Variants in SCARB1 observed in about 807,000 individuals in gnomAD.
SCARB1 encodes CD36 and LIMPII analogous 1.
SCARB1 carries 30 observed loss-of-function variants against 57.2 expected under a neutral mutation model. The observed-to-expected ratio is 0.52, with a 90% CI of 0.39 to 0.71. The LOEUF (loss-of-function observed/expected upper bound fraction) is 0.71. Ranked by LOEUF, SCARB1 falls within the 30% of genes least tolerant of loss-of-function variation. The pLI, the probability that SCARB1 is intolerant of heterozygous loss-of-function variation, is 0.00. For missense variants in SCARB1, 543 were observed against 671.2 expected (o/e 0.81, Z 2.11); for synonymous variants, 249 against 268.3 (o/e 0.93, Z 0.70).
chr12:124,791,911 G>A (rs139415949), intron 9 of SCARB1, among the ~76,000 whole-genome samples: 3,198 of 151,572 alleles, frequency 0.021, 121 homozygotes, highest in African/African-American at 0.074. Flanking sequence ...CCGAAATCGC[G>A]CCATTGTACT....
At chr12:124,840,270 T>C (rs553762140) in intron 1 of SCARB1, among the ~76,000 whole-genome samples, 16,069 of 151,994 alleles carry the variant, frequency 0.11, 948 homozygotes, top group African/African-American at 0.16. Context: ...ACCTCCCAGG[T>C]TCAAACGATT....
chr12:124,858,221 T>C (rs1952719209), intron 1 of SCARB1, among the ~76,000 whole-genome samples: 1 of 152,210 alleles, frequency 6.6e-6, no homozygotes, highest in Admixed American at 6.5e-5. Flanking sequence ...AATTACTCTC[T>C]TCAGCTTGTC....
At chr12:124,824,982 T>C (rs1166081922) in intron 1 of SCARB1, among the ~76,000 whole-genome samples, 1 of 152,132 alleles carries the variant, frequency 6.6e-6, no homozygotes, top group Non-Finnish European at 1.5e-5. Flanking sequence ...CCCAGCACTT[T>C]GGGAGGCTGG....
intron 7 of SCARB1, among the ~76,000 whole-genome samples, chr12:124,805,897 T>C (rs1407045459): frequency 4.6e-5 from 7 of 152,110 alleles, no homozygotes; most frequent in African/African-American, 1.7e-4. Context: ...CCTCCGCTGC[T>C]GTCGGGAGTG....
intron 1 of SCARB1, among the ~76,000 whole-genome samples, chr12:124,833,368 T>C (rs1400275050): frequency 6.6e-6 from 1 of 151,992 alleles, no homozygotes; most frequent in Non-Finnish European, 1.5e-5. Flanking sequence ...TTTTAAATTT[T>C]TTATAGAGAT....
intron 1 of SCARB1, among the ~76,000 whole-genome samples, chr12:124,850,500 T>C (rs1387899628): frequency 6.6e-6 from 1 of 152,078 alleles, no homozygotes; most frequent in Non-Finnish European, 1.5e-5. Context: ...GGAGAAACCC[T>C]GTCTCTACTA....
At chr12:124,780,782 C>T (rs182621396) in intron 12 of SCARB1, among the ~76,000 whole-genome samples, 14 of 152,330 alleles carry the variant, frequency 9.2e-5, no homozygotes, top group Admixed American at 9.1e-4. Context: ...CAGGGAGGTG[C>T]AGCCATGGGG....
At chr12:124,833,913 G>A (rs548206838) in intron 1 of SCARB1, among the ~76,000 whole-genome samples, 33 of 152,338 alleles carry the variant, frequency 2.2e-4, no homozygotes, top group African/African-American at 5.5e-4. Flanking sequence ...ACACTCTCCC[G>A]CAGCTGCTTT....
At chr12:124,833,340 C>G (rs1047806287) in intron 1 of SCARB1, among the ~76,000 whole-genome samples, 1 of 152,186 alleles carries the variant, frequency 6.6e-6, no homozygotes, top group South Asian at 2.1e-4. Context: ...CAAGCATACA[C>G]CACCACGCCT....
intron 9 of SCARB1, among the ~76,000 whole-genome samples, chr12:124,794,885 C>T (rs1949887628): frequency 6.6e-6 from 1 of 152,024 alleles, no homozygotes; most frequent in Non-Finnish European, 1.5e-5. Flanking sequence ...AGCCAATATC[C>T]CGCCCTTGCA....
intron 7 of SCARB1, among the ~76,000 whole-genome samples, chr12:124,802,868 T>C (rs967520856): frequency 1.3e-5 from 2 of 152,088 alleles, no homozygotes; most frequent in African/African-American, 2.4e-5. Flanking sequence ...GGCAAAGGCA[T>C]GGTACCTTTA....
rs948344876 is a variant in SCARB1 at position 124,811,802 on chromosome 12, G to C, written c.726+68C>G. On this transcript the variant is annotated intron_variant, in intron 5 of 12. Transcript: ENST00000261693. ...GAGCTCTCTGGTCCCTGCCACTCCC[G>C]AGCAGCCATGGCCGGGCCCACCCTC... 1.1e-5 allele frequency: 12 copies of C among 1,080,658 alleles called. No individual in the cohort carries two copies. The African/African-American group carries it at 1.9e-4, about 17-fold the overall frequency. The allele number at this position is 1,080,658 out of a possible 1,614,324, so 66.9% of individuals were successfully genotyped here. A position where few individuals can be genotyped will look rare whatever the true frequency, so the allele number is the denominator to read the frequency against.
intron 1 of SCARB1, among the ~76,000 whole-genome samples, chr12:124,827,161 G>T (rs1292456776): frequency 6.6e-6 from 1 of 152,162 alleles, no homozygotes; most frequent in African/African-American, 2.4e-5. Context: ...GAAGGAAGAG[G>T]TTTTTATTCG....
chr12:124,820,866 C>T (rs998252980), intron 1 of SCARB1, among the ~76,000 whole-genome samples: 8 of 152,190 alleles, frequency 5.3e-5, no homozygotes, highest in African/African-American at 1.9e-4. Context: ...CCGGTGTGCA[C>T]ACACCAGCCC....
intron 9 of SCARB1, among the ~76,000 whole-genome samples, chr12:124,791,246 T>C (rs1949718716): frequency 6.6e-6 from 1 of 152,182 alleles, no homozygotes; most frequent in Non-Finnish European, 1.5e-5. Context: ...TTGCTTTGAA[T>C]CCTTTTACCG....
At position 124,777,280 on chromosome 12, in the gene SCARB1, G is replaced by A. The variant is rs528460287; in HGVS notation, c.*1307C>T. The A allele has an allele frequency of 2.8e-4, 43 of 152,182 alleles. No individual in the cohort carries two copies. The highest frequency in any genetic ancestry group is 9.9e-4 in the African/African-American group (41 of 41,532). The allele number at this position is 152,182 out of a possible 1,614,324, so 9.4% of individuals were successfully genotyped here. On this transcript the variant is annotated 3_prime_UTR_variant, in exon 13 of 13. Transcript: ENST00000261693. ...AGAAAGCAAAGGCCTAGAACAACAC[G>A]GGGCATGTCCTATGGGCACCAGGAT...
chr12:124,799,207 G>C (rs898746049), intron 8 of SCARB1, among the ~76,000 whole-genome samples: 8 of 152,148 alleles, frequency 5.3e-5, no homozygotes, highest in African/African-American at 1.9e-4. Context: ...CTCAAAAATA[G>C]ACAGCTTTTC....
Position 124,807,405 on chromosome 12 carries a change from G to T in SCARB1, c.1009+356C>A, listed in dbSNP as rs755981589. 5.9e-5 allele frequency among the ~76,000 whole-genome samples: 9 copies of T among 152,104 alleles called. No individual in the cohort carries two copies. The highest frequency in any genetic ancestry group is 1.3e-4 in the Non-Finnish European group (9 of 68,018). ...CCCGGGAGCCAAGAAACACAGAGGG[G>T]CCTCTGGAAGCCAGAAAAGGCAGAC... On this transcript the variant is annotated intron_variant, in intron 7 of 12. Coordinates refer to ENST00000261693, the MANE Select transcript of SCARB1 (RefSeq NM_005505.5). This position sits in a 1 kb window ranked among gnomAD's most constrained non-coding sequence, Gnocchi z 5.3.
intron 7 of SCARB1, among the ~76,000 whole-genome samples, chr12:124,801,951 G>A (rs1950146810): frequency 1.3e-5 from 2 of 151,618 alleles, no homozygotes; most frequent in Admixed American, 6.6e-5. Context: ...GGGAGTTCAC[G>A]ACCAGCCTGA....
Sources: gnomAD v4.1 joint callset for allele counts (sites outside exome capture counted in the v4.1 genomes callset) on GRCh38, gnomAD v4.1.1 for gene constraint, Gnocchi (gnomAD v3.1) non-coding constraint, MANE v1.5 for transcripts, NCBI Gene and HGNC (gene_info 2026-07-23, HGNC 2026-07-21) for gene names.